The following RHOBTB2 variants were observed in gnomAD, a reference collection of about 807,000 sequenced individuals.
RHOBTB2 encodes the protein rho-related BTB domain-containing protein 2.
RHOBTB2 carries 39 observed loss-of-function variants against 66.5 expected under a neutral mutation model. That is an observed-to-expected ratio of 0.59 (90% confidence interval 0.45 to 0.77). The LOEUF is 0.77. Ranked by LOEUF, RHOBTB2 falls within the 30% of genes least tolerant of loss-of-function variation. The pLI is 0.00. For synonymous variants in RHOBTB2, 390 were observed against 395.0 expected (o/e 0.99, Z 0.15); for missense variants, 755 against 999.1 (o/e 0.76, Z 3.29).
the RHOBTB2 span, among the ~76,000 whole-genome samples, chr8:22,979,775 C>T: frequency 3.1e-5 from 3 of 97,006 alleles, no homozygotes; most frequent in East Asian, 3.7e-4. Context: ...GAGTGAGACT[C>T]TGTGACAGAG....
the RHOBTB2 span, among the ~76,000 whole-genome samples, chr8:22,977,597 A>G: frequency 1.3e-5 from 2 of 151,992 alleles, no homozygotes; most frequent in African/African-American, 2.4e-5. Context: ...AGCTGTTGAA[A>G]GAACAAATTT....
At chr8:22,978,554 A>T in the RHOBTB2 span, among the ~76,000 whole-genome samples, 1 of 150,604 alleles carries the variant, frequency 6.6e-6, no homozygotes, top group South Asian at 2.1e-4. Flanking sequence ...AGGTAAGGAG[A>T]ATATCAGTAT....
At chr8:22,972,645 G>A in the RHOBTB2 span, among the ~76,000 whole-genome samples, 44 of 152,192 alleles carry the variant, frequency 2.9e-4, no homozygotes, top group African/African-American at 1.0e-3. Flanking sequence ...ACATTAACAG[G>A]CATCAGAGGC....
chr8:22,974,916 AG>A, the RHOBTB2 span, among the ~76,000 whole-genome samples: 3 of 152,140 alleles, frequency 2.0e-5, no homozygotes, highest in African/African-American at 7.2e-5. Context: ...TCACCCACTA[AG>A]CGCCCCAATT....
chr8:23,017,574 C>A lies in RHOBTB2; in HGVS notation c.*105C>A, dbSNP rs745472057. 32 of 1,487,586 alleles carry A rather than the reference C, an allele frequency of 2.2e-5. No individual in the cohort carries two copies. The highest frequency in any genetic ancestry group is 2.6e-5 in the Non-Finnish European group (29 of 1,107,912). 92.1% of individuals were successfully genotyped at this position (1,487,586 alleles called of 1,614,324 possible). A position where few individuals can be genotyped will look rare whatever the true frequency, so the allele number is the denominator to read the frequency against. On this transcript the variant is annotated 3_prime_UTR_variant, in exon 10 of 10. Transcript: ENST00000251822. The surrounding 1 kb of genome is among the most constrained non-coding windows in gnomAD (Gnocchi z 5.3). The stretch of plus-strand genomic sequence containing the variant: ...CACCTTACAGGGACCAGGGGGCCCA[C>A]GTAACCAGGACCCAGAGGGTGGAGC...
At chr8:23,012,064 G>A (rs1360708035) in intron 7 of RHOBTB2, among the ~76,000 whole-genome samples, 2 of 152,198 alleles carry the variant, frequency 1.3e-5, no homozygotes, top group Non-Finnish European at 2.9e-5. Context: ...GGTAGCAAGA[G>A]AGGCATCTAA....
Position 23,006,866 on chromosome 8 carries a change from A to T in RHOBTB2, c.621A>T (p.Ala207=), listed in dbSNP as rs139301917. 7.2e-5 allele frequency: 117 copies of T among 1,613,802 alleles called. No homozygotes were observed. The highest frequency in any genetic ancestry group is 9.6e-5 in the Non-Finnish European group (113 of 1,179,926). ...KDVFDNAIRA[A]LISRRHLQFW... ...TCTTTGACAACGCCATCCGAGCTGC[A>T]CTCATCTCCCGCCGCCACCTGCAGT... The change falls in exon 5 of 10, where the codon GCA becomes GCT. Residue 207 remains alanine, a synonymous_variant. Coordinates refer to ENST00000251822, the MANE Select transcript of RHOBTB2 (RefSeq NM_015178.3). This position sits in a 1 kb window ranked among gnomAD's most constrained non-coding sequence, Gnocchi z 6.1.
chr8:22,990,769 G>T (rs1401250999), intron 1 of RHOBTB2, among the ~76,000 whole-genome samples: 1 of 152,276 alleles, frequency 6.6e-6, no homozygotes, highest in Admixed American at 6.5e-5. Flanking sequence ...GCAGCAGCCT[G>T]TGGCCCCCGC....
At chr8:23,008,940 C>A (rs762932034) in intron 6 of RHOBTB2, among the ~76,000 whole-genome samples, 1 of 152,062 alleles carries the variant, frequency 6.6e-6, no homozygotes, top group African/African-American at 2.4e-5. Context: ...CACTTGCAGG[C>A]AACTCCTTCA....
the RHOBTB2 span, among the ~76,000 whole-genome samples, chr8:22,971,344 C>T: frequency 7.9e-6 from 1 of 126,444 alleles, no homozygotes; most frequent in South Asian, 2.5e-4. Flanking sequence ...GTCACTACGC[C>T]CATCTATTTT....
At chr8:22,980,741 CTG>C in the RHOBTB2 span, among the ~76,000 whole-genome samples, 2 of 152,152 alleles carry the variant, frequency 1.3e-5, no homozygotes, top group Non-Finnish European at 2.9e-5. Context: ...AAAACAAACT[CTG>C]TGGATATTTA....
chr8:22,956,597 G>A, the RHOBTB2 span, among the ~76,000 whole-genome samples: 1 of 152,136 alleles, frequency 6.6e-6, no homozygotes, highest in Non-Finnish European at 1.5e-5. Context: ...ACAGCCTGTG[G>A]AATCATGAGC....
chr8:22,994,575 C>T (rs1810497643), upstream of RHOBTB2: 3 of 1,551,210 alleles, frequency 1.9e-6, no homozygotes, highest in Non-Finnish European at 2.6e-6. Flanking sequence ...CTGGAGGGAA[C>T]ACAGAGCGAT....
the RHOBTB2 span, among the ~76,000 whole-genome samples, chr8:22,959,935 G>A: frequency 3.3e-5 from 5 of 150,604 alleles, no homozygotes; most frequent in African/African-American, 1.2e-4. Context: ...AGGCTGAGGC[G>A]GGCAGATCAC....
the RHOBTB2 span, among the ~76,000 whole-genome samples, chr8:22,978,602 T>C: frequency 1.3e-5 from 2 of 151,164 alleles, no homozygotes; most frequent in Non-Finnish European, 2.9e-5. Flanking sequence ...TTTTTATGTT[T>C]GCAAACATTT....
chr8:23,010,951 T>C (rs1479359676), intron 7 of RHOBTB2, among the ~76,000 whole-genome samples: 1 of 152,152 alleles, frequency 6.6e-6, no homozygotes, highest in African/African-American at 2.4e-5. Flanking sequence ...AACATGAGGC[T>C]GGGCACAGAG....
At chr8:22,951,727 A>G in the RHOBTB2 span, among the ~76,000 whole-genome samples, 3 of 152,206 alleles carry the variant, frequency 2.0e-5, no homozygotes, top group African/African-American at 7.2e-5. Context: ...GTGGAATGTC[A>G]TCGGTTAAGG....
Position 23,006,248 on chromosome 8 carries a change from C to A in RHOBTB2, c.482+103C>A. 1.0e-6 allele frequency: 1 copy of A among 997,718 alleles called. No individual in the cohort carries two copies. The highest frequency in any genetic ancestry group is 1.5e-6 in the Non-Finnish European group (1 of 670,876). 61.8% of individuals were successfully genotyped at this position (997,718 alleles called of 1,614,324 possible). On this transcript the variant is annotated intron_variant, in intron 4 of 9. Coordinates refer to ENST00000251822, the MANE Select transcript of RHOBTB2 (RefSeq NM_015178.3). The surrounding 1 kb of genome is among the most constrained non-coding windows in gnomAD (Gnocchi z 6.1). ...CCACTGAGCCTCATATCTCTCCCTC[C>A]ATTTGGAGCAAGCTTGCATTGGGAG...
the RHOBTB2 span, among the ~76,000 whole-genome samples, chr8:22,975,475 G>A: frequency 1.3e-5 from 2 of 152,164 alleles, no homozygotes; most frequent in Admixed American, 1.3e-4. Flanking sequence ...TGGTGCATGC[G>A]GTGTGTTTCA....
Sources: allele counts gnomAD v4.1 joint callset (sites outside exome capture counted in the v4.1 genomes callset), GRCh38; gene constraint gnomAD v4.1.1; non-coding constraint Gnocchi (gnomAD v3.1); transcripts MANE v1.5; gene names NCBI Gene and HGNC (gene_info 2026-07-23, HGNC 2026-07-21).